MECOM: variants seen among roughly 807,000 people sequenced by gnomAD.
MECOM encodes the protein MDS1 and EVI1 complex locus.
In MECOM, 13 loss-of-function variants were observed where a neutral mutation model predicts 116.3. That is an observed-to-expected ratio of 0.11 (90% CI 0.07 to 0.18). The LOEUF is 0.18. Ranked by LOEUF, MECOM falls within the 10% of genes least tolerant of loss-of-function variation. The pLI, the probability that MECOM is intolerant of heterozygous loss-of-function variation, is 1.00. For missense variants in MECOM, 1,299 were observed against 1,509.0 expected (o/e 0.86, Z 2.31); for synonymous variants, 528 against 535.2 (o/e 0.99, Z 0.19).
intron 1 of MECOM, among the ~76,000 whole-genome samples, chr3:169,614,657 A>AT (rs1000692178): frequency 2.5e-4 from 38 of 152,128 alleles, no homozygotes; most frequent in African/African-American, 8.9e-4. Context: ...GGCCTAAGTG[A>AT]TAGAAACAAA....
At chr3:169,653,336 C>A (rs961670177) in intron 1 of MECOM, among the ~76,000 whole-genome samples, 1 of 152,122 alleles carries the variant, frequency 6.6e-6, no homozygotes, top group Non-Finnish European at 1.5e-5. Context: ...CAGAAATGGG[C>A]TCTCCAGGAG....
rs34798812 is a variant in MECOM, at chr3:169,614,114, CT to C, written c.37+49221del. Among the ~76,000 whole-genome samples, 1,018 of 138,220 alleles carry C rather than the reference CT, an allele frequency of 7.4e-3. 11 individuals are homozygous for C. The highest frequency in any genetic ancestry group is 0.024 in the African/African-American group (905 of 38,490). The allele number at this position is 138,220 out of a possible 152,430, so 90.7% of individuals were successfully genotyped here. A position where few individuals can be genotyped will look rare whatever the true frequency, so the allele number is the denominator to read the frequency against. ...CTCTTTTCTTTTCTTTTTCTTTTTT[CT>C]TTTTTTTTTCTCTCTCTCTCTCTTT... On this transcript the variant is annotated intron_variant, in intron 1 of 16. Transcript: ENST00000651503.
chr3:169,144,413 G>A (rs1256972269), intron 2 of MECOM, among the ~76,000 whole-genome samples: 1 of 152,118 alleles, frequency 6.6e-6, no homozygotes, highest in East Asian at 1.9e-4. Context: ...CTCATGCAAA[G>A]TATGGCAAAC....
rs193082448 is a variant in MECOM at position 169,474,830 on chromosome 3, A to C, written c.38-93306T>G. On this transcript the variant is annotated intron_variant, in intron 1 of 16. Coordinates refer to ENST00000651503, the MANE Select transcript of MECOM (RefSeq NM_004991.4). ...ATATTAGCTTAGTGTCTAGTACTTA[A>C]CCACCCATTATGATGGTATCTAATC... Among the ~76,000 whole-genome samples the C allele has an allele frequency of 9.3e-4, 5 of 5,394 alleles. No homozygotes were observed. The African/African-American group carries it at 0.024, about 26-fold the overall frequency. 3.5% of individuals were successfully genotyped at this position (5,394 alleles called of 152,430 possible). A position where few individuals can be genotyped will look rare whatever the true frequency, so the allele number is the denominator to read the frequency against.
chr3:169,483,168 T>C (rs1431808411), intron 1 of MECOM, among the ~76,000 whole-genome samples: 1 of 151,278 alleles, frequency 6.6e-6, no homozygotes, highest in Non-Finnish European at 1.5e-5. Flanking sequence ...AATAAATACA[T>C]GGAGTGAAAA....
intron 1 of MECOM, among the ~76,000 whole-genome samples, chr3:169,411,148 A>C (rs181550253): frequency 2.0e-4 from 30 of 152,294 alleles, no homozygotes. Flanking sequence ...TGAAACTATT[A>C]AACTACATAT....
intron 1 of MECOM, among the ~76,000 whole-genome samples, chr3:169,519,037 TAC>T (rs1364776787): frequency 6.6e-6 from 1 of 152,228 alleles, no homozygotes; most frequent in African/African-American, 2.4e-5. Flanking sequence ...AAAGGACTAA[TAC>T]AAATTCCATC....
chr3:169,304,432 G>A (rs559257798), intron 2 of MECOM, among the ~76,000 whole-genome samples: 27 of 152,218 alleles, frequency 1.8e-4, no homozygotes, highest in Admixed American at 9.8e-4. Context: ...CAATTGACAA[G>A]TAATAAAATG....
intron 2 of MECOM, among the ~76,000 whole-genome samples, chr3:169,273,909 CTTTTTTTTTTT>C (rs545229387): frequency 2.6e-5 from 3 of 117,102 alleles, no homozygotes; most frequent in Admixed American, 8.7e-5. Flanking sequence ...CTCTCCAAAG[CTTTTTTTTTTT>C]TTTTTTTTTG....
At chr3:169,269,320 A>T (rs1249354323) in intron 2 of MECOM, 1 of 152,298 alleles carries the variant, frequency 6.6e-6, no homozygotes, top group Admixed American at 6.6e-5. Context: ...TTTGAAAAGG[A>T]TTGCTTATTT....
intron 2 of MECOM, among the ~76,000 whole-genome samples, chr3:169,342,478 C>A (rs1724708771): frequency 6.6e-6 from 1 of 152,062 alleles, no homozygotes; most frequent in African/African-American, 2.4e-5. Context: ...CTACAGCAAT[C>A]TATCTTTTCA....
chr3:169,441,698 T>G (rs1743701449), intron 1 of MECOM, among the ~76,000 whole-genome samples: 1 of 151,842 alleles, frequency 6.6e-6, no homozygotes, highest in African/African-American at 2.4e-5. Flanking sequence ...AAGATGCTTT[T>G]TTTAGCTATG....
intron 1 of MECOM, among the ~76,000 whole-genome samples, chr3:169,599,085 G>C (rs971927779): frequency 1.3e-5 from 2 of 152,102 alleles, no homozygotes; most frequent in Non-Finnish European, 2.9e-5. Context: ...CCATCATTCA[G>C]GGTTTTGATA....
At chr3:169,238,905 A>G (rs546179692) in intron 2 of MECOM, among the ~76,000 whole-genome samples, 2 of 152,284 alleles carry the variant, frequency 1.3e-5, no homozygotes, top group South Asian at 4.1e-4. Flanking sequence ...GATTAATCCT[A>G]TAAAATGCTA....
At chr3:169,183,873 T>TTTTTTTAG in intron 2 of MECOM, among the ~76,000 whole-genome samples, 1 of 151,586 alleles carries the variant, frequency 6.6e-6, no homozygotes, top group Non-Finnish European at 1.5e-5. Flanking sequence ...TTTTTCTCTT[T>TTTTTTTAG]TTTTTTAGTG....
At chr3:169,614,487 G>T (rs1490709616) in intron 1 of MECOM, among the ~76,000 whole-genome samples, 1 of 152,076 alleles carries the variant, frequency 6.6e-6, no homozygotes, top group Non-Finnish European at 1.5e-5. Context: ...CAAAAGGCTG[G>T]TTATTTTTAA....
chr3:169,476,188 C>A (rs1750344657), intron 1 of MECOM, among the ~76,000 whole-genome samples: 1 of 152,088 alleles, frequency 6.6e-6, no homozygotes. Context: ...CAACAGTGGC[C>A]CACTAATAAA....
chr3:169,419,016 C>A (rs1739244798), intron 1 of MECOM, among the ~76,000 whole-genome samples: 1 of 152,150 alleles, frequency 6.6e-6, no homozygotes, highest in Non-Finnish European at 1.5e-5. Flanking sequence ...TGTCCAAAAT[C>A]TCCTTAAGCT....
Position 169,250,147 on chromosome 3 carries a change from C to G in MECOM, c.376-106315G>C, listed in dbSNP as rs183282367. Among the ~76,000 whole-genome samples, 264 of 152,284 alleles carry G rather than the reference C, an allele frequency of 1.7e-3. 1 individual carries two copies. Among genetic ancestry groups the G allele is most frequent in the Non-Finnish European group, 2.4e-3 (160 of 68,028 alleles). On this transcript the variant is annotated intron_variant, in intron 2 of 16. Transcript: ENST00000651503. ...GCATGCTGGGAGGGGAAATGAGCTA[C>G]AGAGCAGACAATTTTCAGCATCAGT...
Sources: allele counts gnomAD v4.1 joint callset (sites outside exome capture counted in the v4.1 genomes callset), GRCh38; gene constraint gnomAD v4.1.1; transcripts MANE v1.5; gene names NCBI Gene and HGNC (gene_info 2026-07-23, HGNC 2026-07-21).